Variants in MARK1 observed in about 807,000 individuals in gnomAD.
The protein encoded by MARK1 is serine/threonine-protein kinase MARK1.
A neutral mutation model predicts 96.3 loss-of-function variants in MARK1; 40 were observed. That is an observed-to-expected ratio of 0.42 (90% CI 0.32 to 0.54). The LOEUF is 0.54. Among genes scored for constraint, MARK1 ranks in the 20% least tolerant of loss-of-function variants. MARK1 has a pLI of 0.16. For missense variants in MARK1, 719 were observed against 984.6 expected (o/e 0.73, Z 3.61); for synonymous variants, 317 against 341.2 (o/e 0.93, Z 0.78).
rs754579640 is a variant in MARK1, at chr1:220,654,631, C to T, written c.1988+1279C>T. ...ATGGAAGTTAGATCATAGTGTTAGC[C>T]GGCCATCTGCAGGGTACTAGTCAGA... On this transcript the variant is annotated intron_variant, in intron 16 of 17. Transcript: ENST00000366917. This position sits in a 1 kb window ranked among gnomAD's most constrained non-coding sequence, Gnocchi z 4.0. Among the ~76,000 whole-genome samples, 4 of 152,156 alleles carry T rather than the reference C, an allele frequency of 2.6e-5. No homozygotes were observed. Among genetic ancestry groups the T allele is most frequent in the Non-Finnish European group, 5.9e-5 (4 of 68,032 alleles).
At chr1:220,597,332 A>G (rs974793117) in intron 3 of MARK1, among the ~76,000 whole-genome samples, 3 of 152,008 alleles carry the variant, frequency 2.0e-5, no homozygotes, top group Non-Finnish European at 4.4e-5. Flanking sequence ...TGTCATTCCC[A>G]TCAATACTGC....
intron 1 of MARK1, among the ~76,000 whole-genome samples, chr1:220,555,599 A>G (rs1662192890): frequency 6.6e-6 from 1 of 152,202 alleles, no homozygotes; most frequent in Non-Finnish European, 1.5e-5. Flanking sequence ...AAAAATAACT[A>G]ATTGATTTTT....
At chr1:220,612,391 A>G (rs1313439997) in intron 6 of MARK1, among the ~76,000 whole-genome samples, 1 of 152,218 alleles carries the variant, frequency 6.6e-6, no homozygotes, top group Non-Finnish European at 1.5e-5. Flanking sequence ...AGTCTGTAAT[A>G]TTTTGAAATC....
At chr1:220,649,991 G>A (rs1260080391) in intron 13 of MARK1, among the ~76,000 whole-genome samples, 3 of 151,980 alleles carry the variant, frequency 2.0e-5, no homozygotes, top group Admixed American at 2.0e-4. Context: ...ATCCCTTTTT[G>A]CTTATTTTCT....
intron 1 of MARK1, among the ~76,000 whole-genome samples, chr1:220,553,705 T>C (rs989276196): frequency 2.6e-5 from 4 of 152,188 alleles, no homozygotes; most frequent in African/African-American, 9.6e-5. Flanking sequence ...CAGTGTTTAC[T>C]AGAGTTCGGT....
intron 1 of MARK1, among the ~76,000 whole-genome samples, chr1:220,554,620 A>T (rs1197010378): frequency 6.6e-6 from 1 of 152,218 alleles, no homozygotes. Context: ...GCTGGTTCAG[A>T]TGTTTCTTTA....
At chr1:220,629,999 T>G (rs1667580538) in intron 9 of MARK1, among the ~76,000 whole-genome samples, 2 of 152,208 alleles carry the variant, frequency 1.3e-5, no homozygotes, top group African/African-American at 4.8e-5. Flanking sequence ...GGTAGTTCTA[T>G]TTTTAATTTT....
intron 3 of MARK1, among the ~76,000 whole-genome samples, chr1:220,586,011 A>ACGCACGCGCGCG (rs1553322976): frequency 2.4e-4 from 36 of 148,636 alleles, no homozygotes; most frequent in African/African-American, 8.7e-4. Context: ...ACACACACAC[A>ACGCACGCGCGCG]CGCGCGCGTG....
At chr1:220,540,452 C>G (rs1661057007) in intron 1 of MARK1, among the ~76,000 whole-genome samples, 1 of 152,150 alleles carries the variant, frequency 6.6e-6, no homozygotes. Flanking sequence ...AGTTGCTGAT[C>G]AAAATGCTAA....
intron 13 of MARK1, among the ~76,000 whole-genome samples, chr1:220,637,955 G>C (rs189010562): frequency 1.0e-3 from 153 of 152,148 alleles, no homozygotes; most frequent in Admixed American, 1.8e-3. Context: ...TACCTCTTTT[G>C]AATATGGTTA....
Position 220,529,019 on chromosome 1 carries a change from A to G in MARK1, c.51+146A>G, listed in dbSNP as rs192328438. On this transcript the variant is annotated intron_variant, in intron 1 of 17. Coordinates refer to ENST00000366917, the MANE Select transcript of MARK1 (RefSeq NM_018650.5). ...CTGGAGCCCGGCGTGACCCTCACCC[A>G]CTGCTCAGCCCTATTCTTCATTCCA... The G allele has an allele frequency of 3.7e-3, 2,725 of 738,132 alleles. 57 individuals are homozygous for G. In the African/African-American group the frequency reaches 0.045, roughly 12 times the overall value. 45.7% of individuals were successfully genotyped at this position (738,132 alleles called of 1,614,324 possible).
chr1:220,619,526 G>C (rs1044406854), intron 9 of MARK1, among the ~76,000 whole-genome samples: 9 of 152,074 alleles, frequency 5.9e-5, no homozygotes, highest in Non-Finnish European at 1.2e-4. Context: ...CTTTAGTAAA[G>C]AAAATTTACA....
intron 9 of MARK1, chr1:220,625,740 A>G: frequency 2.3e-6 from 1 of 438,816 alleles, no homozygotes; most frequent in South Asian, 1.7e-5. Flanking sequence ...GGCAAGCAAG[A>G]TGACGCAGAC....
intron 6 of MARK1, among the ~76,000 whole-genome samples, chr1:220,611,374 G>T (rs752223528): frequency 1.3e-5 from 2 of 152,200 alleles, no homozygotes; most frequent in Non-Finnish European, 2.9e-5. Flanking sequence ...CGTAGGACCC[G>T]CCAAGCCAGG....
At chr1:220,588,440 T>C (rs189456795) in intron 3 of MARK1, among the ~76,000 whole-genome samples, 29 of 152,352 alleles carry the variant, frequency 1.9e-4, no homozygotes, top group African/African-American at 6.7e-4. Context: ...AATAATTGGC[T>C]GCAAGTTATC....
At chr1:220,568,184 A>T (rs1022937234) in intron 1 of MARK1, among the ~76,000 whole-genome samples, 1 of 152,170 alleles carries the variant, frequency 6.6e-6, no homozygotes, top group Non-Finnish European at 1.5e-5. Context: ...TGCAATAAAT[A>T]TCTTTGTTCT....
intron 1 of MARK1, among the ~76,000 whole-genome samples, chr1:220,571,319 A>G (rs952867810): frequency 1.3e-5 from 2 of 152,218 alleles, no homozygotes; most frequent in Non-Finnish European, 2.9e-5. Context: ...TGGTTTAAAA[A>G]AATAAGGTAG....
At chr1:220,610,426 T>A (rs1666374785) in intron 6 of MARK1, among the ~76,000 whole-genome samples, 1 of 152,196 alleles carries the variant, frequency 6.6e-6, no homozygotes. Flanking sequence ...TTCTCTACAC[T>A]GTTTATTCTA....
intron 9 of MARK1, chr1:220,625,837 A>G (rs1667294519): frequency 2.2e-6 from 1 of 463,662 alleles, no homozygotes; most frequent in Non-Finnish European, 4.3e-6. Flanking sequence ...ATGAAGCCTC[A>G]CCAAATCTAC....
Sources: gnomAD v4.1 joint callset for allele counts (sites outside exome capture counted in the v4.1 genomes callset) on GRCh38, gnomAD v4.1.1 for gene constraint, Gnocchi (gnomAD v3.1) non-coding constraint, MANE v1.5 for transcripts, NCBI Gene and HGNC (gene_info 2026-07-23, HGNC 2026-07-21) for gene names.